PTPN13: variants seen among roughly 807,000 people sequenced by gnomAD.
PTPN13 encodes tyrosine-protein phosphatase non-receptor type 13.
Under a neutral mutation model 284.0 loss-of-function variants are expected in PTPN13, and 191 were observed. The ratio of observed to expected loss-of-function variants is 0.67; its 90% CI spans 0.60 to 0.76. PTPN13 has a LOEUF of 0.76. PTPN13 is among the 30% of genes least tolerant of loss of function. The pLI is 0.00. For synonymous variants in PTPN13, 986 were observed against 1,022.3 expected, an observed-to-expected ratio of 0.96 and a Z score of 0.68; for missense variants, 2,797 against 2,939.9, an observed-to-expected ratio of 0.95 and a Z score of 1.12.
At chr4:86,662,161 A>G (rs1726569469) in intron 2 of PTPN13, among the ~76,000 whole-genome samples, 1 of 152,228 alleles carries the variant, frequency 6.6e-6, no homozygotes, top group Non-Finnish European at 1.5e-5. Context: ...CAGAAATGCT[A>G]GCATTTTAAA....
At chr4:86,812,101 G>A (rs1052052696) in intron 47 of PTPN13, among the ~76,000 whole-genome samples, 8 of 151,876 alleles carry the variant, frequency 5.3e-5, no homozygotes, top group African/African-American at 1.7e-4. Context: ...ACGAGGTCAG[G>A]AGATCGAGAC....
chr4:86,622,461 A>G (rs1721364730), intron 1 of PTPN13, among the ~76,000 whole-genome samples: 1 of 152,182 alleles, frequency 6.6e-6, no homozygotes, highest in South Asian at 2.1e-4. Flanking sequence ...CTGTGAATTT[A>G]CTTCATTTGT....
At chr4:86,645,014 G>A (rs1724249268) in intron 2 of PTPN13, among the ~76,000 whole-genome samples, 1 of 152,060 alleles carries the variant, frequency 6.6e-6, no homozygotes, top group South Asian at 2.1e-4. Flanking sequence ...TTCGTGACCA[G>A]CCTGCGAAAC....
intron 24 of PTPN13, 78 bp downstream of exon 24, chr4:86,763,268 A>G (rs1738915104): frequency 8.8e-7 from 1 of 1,133,398 alleles, no homozygotes; most frequent in Non-Finnish European, 1.3e-6. Context: ...GAGCACAATA[A>G]TCTACAAGAT....
chr4:86,679,482 G>A lies in PTPN13; in HGVS notation c.294+6939G>A, dbSNP rs114793854. Among the ~76,000 whole-genome samples the A allele has an allele frequency of 8.8e-3, 1,346 of 152,222 alleles. 6 individuals carry two copies. The highest frequency in any genetic ancestry group is 0.013 in the Non-Finnish European group (909 of 68,004). On this transcript the variant is annotated intron_variant, in intron 3 of 47. Transcript: ENST00000411767. ...AACTTTTAGAAAAGCAAGTTCTTAGGCCCTACCCCAGACCTATTGAATCAG... is the reference window on the plus strand; with the variant it reads ...AACTTTTAGAAAAGCAAGTTCTTAGACCCTACCCCAGACCTATTGAATCAG...
chr4:86,730,591 G>A lies in PTPN13; in HGVS notation c.1609-1809G>A, dbSNP rs944250801. On this transcript the variant is annotated intron_variant, in intron 10 of 47. Transcript: ENST00000411767. ...CTGCGCTAGCAGTGAGCAAGGCTTC[G>A]TGGGTGTGGGACCTGCTGAGCCAGG... Among the ~76,000 whole-genome samples the A allele has an allele frequency of 4.7e-5, 7 of 150,026 alleles. 1 individual carries two copies. Among genetic ancestry groups the A allele is most frequent in the Non-Finnish European group, 7.5e-5 (5 of 66,772 alleles).
chr4:86,705,339 A>AAAAAAAAAAAAAAAAAAAAAAAAAAAAC (rs1731636787), intron 7 of PTPN13, among the ~76,000 whole-genome samples: 1 of 151,778 alleles, frequency 6.6e-6, no homozygotes, highest in African/African-American at 2.4e-5. Context: ...GTCTCAAAAA[A>AAAAAAAAAAAAAAAAAAAAAAAAAAAAC]AAAAAAAAAG....
At chr4:86,763,230 A>G (rs752664218) in intron 24 of PTPN13, 40 bp downstream of exon 24, 1 of 1,502,030 alleles carries the variant, frequency 6.7e-7, no homozygotes, top group Non-Finnish European at 9.1e-7. Context: ...CTCATTTAAC[A>G]AAGCAAAATA....
At chr4:86,711,908 C>T (rs904931654) in intron 7 of PTPN13, among the ~76,000 whole-genome samples, 3 of 152,072 alleles carry the variant, frequency 2.0e-5, no homozygotes, top group African/African-American at 7.2e-5. Context: ...GTCCATTGCA[C>T]ATGATTCAAG....
intron 44 of PTPN13, among the ~76,000 whole-genome samples, chr4:86,806,015 AGAG>A (rs1744612986): frequency 6.6e-6 from 1 of 151,920 alleles, no homozygotes; most frequent in Admixed American, 6.6e-5. Flanking sequence ...AAATTAGCCG[AGAG>A]TGGTGGCTCA....
chr4:86,734,507 A>G, intron 13 of PTPN13, 51 bp downstream of exon 13: 1 of 1,425,230 alleles, frequency 7.0e-7, no homozygotes, highest in South Asian at 1.5e-5. Context: ...TGGTCTTTTG[A>G]CCCTTTAGCT....
chr4:86,766,574 G>A, intron 27 of PTPN13, 57 bp downstream of exon 27: 1 of 1,241,558 alleles, frequency 8.1e-7, no homozygotes. Flanking sequence ...AACAATGTGT[G>A]AATAACATCA....
At chr4:86,605,435 G>C (rs1764664752) in intron 1 of PTPN13, among the ~76,000 whole-genome samples, 1 of 151,938 alleles carries the variant, frequency 6.6e-6, no homozygotes, top group African/African-American at 2.4e-5. Context: ...AGAACAGATT[G>C]ATTCTGTGAG....
rs1207588549 is a variant in PTPN13, at chr4:86,751,056, G to T, written c.3098G>T (p.Ser1033Ile). 1.9e-6 allele frequency: 3 copies of T among 1,609,460 alleles called. No individual in the cohort carries two copies. The African/African-American group carries it at 4.0e-5, about 22-fold the overall frequency. The change falls in exon 19 of 48, where the codon AGT (serine) becomes ATT (isoleucine). Residue 1033 changes from serine to isoleucine, a missense_variant. Coordinates refer to ENST00000411767, the MANE Select transcript of PTPN13 (RefSeq NM_080683.3). The part of the protein sequence containing the change: ...NSKSVASLNR[S>I]PERRKHESDS... ...AAGTCTGTTGCGAGTTTAAATAGAA[G>T]TCCTGAAAGGAGGAAACATGAATCA... is the stretch of plus-strand genomic sequence containing the variant.
At chr4:86,605,239 A>G (rs1416067219) in intron 1 of PTPN13, among the ~76,000 whole-genome samples, 1 of 151,988 alleles carries the variant, frequency 6.6e-6, no homozygotes, top group Admixed American at 6.6e-5. Flanking sequence ...CAGATGCCAC[A>G]GGGAGCCAAA....
In PTPN13 at chr4:86,753,028, T is replaced by C. The variant is rs372384631; in HGVS notation, c.3186T>C (p.Ser1062=). ...AYVLGMTMHS[S]GNSSSQVPLK... ...CCACAGGAATGACTATGCATAGTTC[T>C]GGAAACTCTTCATCCCAAGTACCCT... The change falls in exon 20 of 48, where the codon TCT becomes TCC. Residue 1062 remains serine (S), a synonymous_variant. Coordinates refer to ENST00000411767, the MANE Select transcript of PTPN13 (RefSeq NM_080683.3). The C allele has an allele frequency of 2.5e-6, 4 of 1,608,798 alleles. No individual in the cohort carries two copies. Among genetic ancestry groups the C allele is most frequent in the African/African-American group, 1.3e-5 (1 of 74,920 alleles).
intron 1 of PTPN13, among the ~76,000 whole-genome samples, chr4:86,631,833 A>T (rs1179509013): frequency 2.0e-5 from 3 of 152,274 alleles, no homozygotes; most frequent in Admixed American, 6.5e-5. Flanking sequence ...TTTTTTATTT[A>T]TAGGGAATAA....
At chr4:86,652,852 C>T (rs971739074) in intron 2 of PTPN13, among the ~76,000 whole-genome samples, 1 of 151,898 alleles carries the variant, frequency 6.6e-6, no homozygotes, top group Admixed American at 6.6e-5. Flanking sequence ...TCTGTCTTTA[C>T]ATCCTCTTTA....
At chr4:86,812,698 G>A (rs989345782) in intron 47 of PTPN13, among the ~76,000 whole-genome samples, 10 of 152,202 alleles carry the variant, frequency 6.6e-5, no homozygotes, top group Middle Eastern at 3.4e-3. Flanking sequence ...TTCAGGTATG[G>A]TCACAGCCAA....
Sources: gnomAD v4.1 joint callset for allele counts (sites outside exome capture counted in the v4.1 genomes callset) on GRCh38, gnomAD v4.1.1 for gene constraint, MANE v1.5 for transcripts, NCBI Gene and HGNC (gene_info 2026-07-23, HGNC 2026-07-21) for gene names.